MORN2: variants seen among roughly 807,000 people sequenced by gnomAD.
The protein encoded by MORN2 is MORN repeat containing 2.
MORN2 carries 15 observed loss-of-function variants against 13.4 expected under a neutral mutation model. The ratio of observed to expected loss-of-function variants is 1.12; its 90% CI spans 0.75 to 1.72. The LOEUF (loss-of-function observed/expected upper bound fraction) is 1.72, where lower values mean the gene tolerates loss of function less well. Among genes scored for constraint, MORN2 ranks in the 40% most tolerant of loss-of-function variants. MORN2 has a pLI of 0.00. For missense variants in MORN2, 168 were observed against 134.6 expected, an observed-to-expected ratio of 1.25 and a Z score of -1.23; for synonymous variants, 46 against 43.6, an observed-to-expected ratio of 1.06 and a Z score of -0.22.
At chr2:38,878,121 A>AT (rs34009838) in intron 1 of MORN2, among the ~76,000 whole-genome samples, 38,971 of 152,052 alleles carry the variant, frequency 0.26, 5,715 homozygotes, top group Non-Finnish European at 0.32. Flanking sequence ...AGTTTCCATG[A>AT]TTTTAGATTG....
rs772520161 is a variant in MORN2 at position 38,882,220 on chromosome 2, GT to G, written c.354-174del. ...TTGTTTTTGTTTGGAATAGTATGTG[GT>G]TTTTTTTTTTTTTTTTTTGGTTTGT... On this transcript the variant is annotated intron_variant, in intron 4 of 4. Coordinates refer to ENST00000644631, the MANE Select transcript of MORN2 (RefSeq NM_001145450.3). 7.4e-3 allele frequency among the ~76,000 whole-genome samples: 800 copies of G among 107,680 alleles called. 4 individuals carry two copies. Among genetic ancestry groups the G allele is most frequent in the African/African-American group, 0.022 (638 of 28,974 alleles). 70.6% of individuals were successfully genotyped at this position (107,680 alleles called of 152,430 possible). A position where few individuals can be genotyped will look rare whatever the true frequency, so the allele number is the denominator to read the frequency against.
chr2:38,880,071 A>T (rs1665740593), intron 1 of MORN2, 108 bp from the exon 2 acceptor site: 2 of 382,706 alleles, frequency 5.2e-6, no homozygotes, highest in Non-Finnish European at 9.3e-6. Context: ...AGGCGGGAGG[A>T]TCGCTTGAGC....
At chr2:38,880,044 A>G in intron 1 of MORN2, 135 bp from the exon 2 acceptor site, 1 of 377,604 alleles carries the variant, frequency 2.6e-6, no homozygotes, top group Non-Finnish European at 4.7e-6. Context: ...TTGCATCCCC[A>G]GCACTTTGGG....
chr2:38,877,148 T>C (rs985463735), intron 1 of MORN2, among the ~76,000 whole-genome samples: 2 of 152,060 alleles, frequency 1.3e-5, no homozygotes, highest in Non-Finnish European at 2.9e-5. Flanking sequence ...CGCCTGTAGT[T>C]CCAGCTACTT....
At chr2:38,882,188 T>C (rs1665789847) in intron 4 of MORN2, among the ~76,000 whole-genome samples, 1 of 151,644 alleles carries the variant, frequency 6.6e-6, no homozygotes. Flanking sequence ...GGACACCAAA[T>C]AATTGTTTGT....
chr2:38,882,296 G>T, intron 4 of MORN2, 117 bp from the exon 5 acceptor site: 7 of 257,906 alleles, frequency 2.7e-5, no homozygotes, highest in East Asian at 1.1e-4. Context: ...TAAAAGCAAA[G>T]CTTGAAAGTA....
chr2:38,877,471 GA>G (rs1306946387), intron 1 of MORN2, among the ~76,000 whole-genome samples: 2 of 151,892 alleles, frequency 1.3e-5, no homozygotes, highest in African/African-American at 4.8e-5. Flanking sequence ...AAATTATGGG[GA>G]AAAAATAAGC....
In MORN2 at chr2:38,875,996, A is replaced by C. The variant is rs1049388385; in HGVS notation, c.-57A>C. 29 of 398,618 alleles carry C rather than the reference A, an allele frequency of 7.3e-5. No individual in the cohort carries two copies. The highest frequency in any genetic ancestry group is 5.8e-4 in the African/African-American group (28 of 48,628). The allele number at this position is 398,618 out of a possible 1,614,324, so 24.7% of individuals were successfully genotyped here. A position where few individuals can be genotyped will look rare whatever the true frequency, so the allele number is the denominator to read the frequency against. The stretch of plus-strand genomic sequence containing the variant: ...CGGGTGAGAGGTGCCCGGTCGCCCC[A>C]GCAACCAAGTCGCACCTGGAGCTGT... On this transcript the variant is annotated 5_prime_UTR_variant, in exon 1 of 5. Transcript: ENST00000644631.
In MORN2 at chr2:38,882,564, G is replaced by A. The variant is rs375200003; in HGVS notation, c.*49G>A. 1.5e-6 allele frequency: 2 copies of A among 1,358,802 alleles called. No individual in the cohort carries two copies. The highest frequency in any genetic ancestry group is 2.0e-6 in the Non-Finnish European group (2 of 976,120). The allele number at this position is 1,358,802 out of a possible 1,614,324, so 84.2% of individuals were successfully genotyped here. On this transcript the variant is annotated 3_prime_UTR_variant, in exon 5 of 5. Transcript: ENST00000644631. The stretch of plus-strand genomic sequence containing the variant: ...AATGTAGTAATTGAAGCTTTTAGTT[G>A]TAAGGAAAGCAACTTAATCTGTTAT...
intron 1 of MORN2, among the ~76,000 whole-genome samples, chr2:38,876,556 G>T (rs937199267): frequency 1.3e-5 from 2 of 152,224 alleles, no homozygotes; most frequent in African/African-American, 4.8e-5. Context: ...CACGGAGTCG[G>T]ACAGTGGGGT....
rs114119098 is a variant in MORN2, at chr2:38,877,877, G to A, written c.58+1767G>A. On this transcript the variant is annotated intron_variant, in intron 1 of 4. Transcript: ENST00000644631. ...GCAGGGTGTGATCGGACTCACTGCA[G>A]CCTTCACTTCCTGGGCTCAAGCGAT... 2.5e-3 allele frequency among the ~76,000 whole-genome samples: 387 copies of A among 152,152 alleles called. 3 individuals carry two copies. The highest frequency in any genetic ancestry group is 9.0e-3 in the African/African-American group (373 of 41,530).
chr2:38,880,340 A>G, intron 2 of MORN2, 111 bp downstream of exon 2: 1 of 398,926 alleles, frequency 2.5e-6, no homozygotes, highest in East Asian at 3.6e-5. Flanking sequence ...TAACTTTATT[A>G]ACTAAAATAA....
At position 38,882,364 on chromosome 2, in the gene MORN2, G is replaced by T. The variant is rs956105005; in HGVS notation, c.354-49G>T. ...TGCTAGAAAATCTTATATCTGGACTGTAAATTATTCATCTTTGTTAATGGA... is the reference window on the plus strand; with the variant it reads ...TGCTAGAAAATCTTATATCTGGACTTTAAATTATTCATCTTTGTTAATGGA... On this transcript the variant is annotated intron_variant, in intron 4 of 4. Transcript: ENST00000644631. 26 of 1,216,356 alleles carry T rather than the reference G, an allele frequency of 2.1e-5. No individual in the cohort carries two copies. The African/African-American group carries it at 3.3e-4, about 15-fold the overall frequency. The allele number at this position is 1,216,356 out of a possible 1,614,324, so 75.3% of individuals were successfully genotyped here. A position where few individuals can be genotyped will look rare whatever the true frequency, so the allele number is the denominator to read the frequency against.
At chr2:38,877,586 C>T (rs969604427) in intron 1 of MORN2, among the ~76,000 whole-genome samples, 6 of 152,130 alleles carry the variant, frequency 3.9e-5, no homozygotes, top group African/African-American at 1.2e-4. Flanking sequence ...CTCTATCCTC[C>T]ACACCATTTC....
At chr2:38,882,251 T>C in intron 4 of MORN2, among the ~76,000 whole-genome samples, 162 bp from the exon 5 acceptor site, 1 of 151,280 alleles carries the variant, frequency 6.6e-6, no homozygotes, top group African/African-American at 2.4e-5. Flanking sequence ...GTTTGTTTGT[T>C]TTTTTGGTAG....
intron 1 of MORN2, among the ~76,000 whole-genome samples, chr2:38,876,665 C>A (rs897416121): frequency 1.3e-5 from 2 of 152,090 alleles, no homozygotes; most frequent in Non-Finnish European, 2.9e-5. Context: ...ACCTTAAGTA[C>A]TACAGTAGGA....
intron 2 of MORN2, 91 bp downstream of exon 2, chr2:38,880,320 A>G (rs1242964342): frequency 7.5e-6 from 3 of 399,326 alleles, no homozygotes; most frequent in Non-Finnish European, 4.4e-6. Flanking sequence ...TAAAACTACT[A>G]TTAGGATATT....
In MORN2 at chr2:38,882,453, G is replaced by A. The variant is rs1310510770; in HGVS notation, c.394G>A (p.Glu132Lys). Residue 132 changes from glutamate to lysine, a missense_variant, in exon 5 of 5, where the codon GAA becomes AAA. Coordinates refer to ENST00000644631, the MANE Select transcript of MORN2 (RefSeq NM_001145450.3). ...GGAATATACTGATATCCAAGGACTA[G>A]AATGGAGTGGTAACTTTCATTTTAC... 1.3e-6 allele frequency: 2 copies of A among 1,550,870 alleles called. No homozygotes were observed. The highest frequency in any genetic ancestry group is 3.9e-5 in the Admixed American group (2 of 50,966).
chr2:38,881,523 G>A lies in MORN2; in HGVS notation c.298G>A (p.Gly100Arg). ...TAAGGATAATATGTTTCATGGACTG[G>A]GGACTTACACATTCCCAAATGGGGC... is the stretch of plus-strand genomic sequence containing the variant. The change falls in exon 4 of 5, where the codon GGG becomes AGG. Residue 100 changes from glycine (G) to arginine (R), a missense_variant. Transcript: ENST00000644631. 1 of 1,542,668 alleles carries A rather than the reference G, an allele frequency of 6.5e-7. No individual in the cohort carries two copies.
Sources: allele counts gnomAD v4.1 joint callset (sites outside exome capture counted in the v4.1 genomes callset), GRCh38; gene constraint gnomAD v4.1.1; transcripts MANE v1.5; gene names NCBI Gene and HGNC (gene_info 2026-07-23, HGNC 2026-07-21).